CORO7: variants seen among roughly 807,000 people sequenced by gnomAD.
The protein encoded by CORO7 is coronin 7, also known as coronin-7.
CORO7 carries 107 observed loss-of-function variants against 126.6 expected under a neutral mutation model. The observed-to-expected ratio is 0.85, with a 90% CI of 0.72 to 0.99. The LOEUF (loss-of-function observed/expected upper bound fraction) is 0.99. Among genes scored for constraint, CORO7 ranks in the 50% least tolerant of loss-of-function variants. The pLI, the probability that CORO7 is intolerant of heterozygous loss-of-function variation, is 0.00. For synonymous variants in CORO7, 603 were observed against 536.8 expected (o/e 1.12, Z -1.70); for missense variants, 1,314 against 1,255.8 (o/e 1.05, Z -0.70).
intron 9 of CORO7, chr16:4,381,186 C>A (rs780215125): frequency 6.2e-7 from 1 of 1,612,088 alleles, no homozygotes; most frequent in South Asian, 1.1e-5. Context: ...CCAACCTCAG[C>A]AACCTGGACC....
At chr16:4,393,309 A>C (rs759902890) in intron 7 of CORO7, among the ~76,000 whole-genome samples, 4 of 152,148 alleles carry the variant, frequency 2.6e-5, no homozygotes, top group Non-Finnish European at 4.4e-5. Flanking sequence ...GAGGTCAAAG[A>C]AAGCTACCTA....
At chr16:4,381,150 G>A (rs766100822) in intron 9 of CORO7, 2 of 1,610,544 alleles carry the variant, frequency 1.2e-6, no homozygotes, top group Non-Finnish European at 8.5e-7. Context: ...TCGCCAGCCT[G>A]CCCAGCGGGG....
intron 9 of CORO7, chr16:4,382,497 CG>C: frequency 6.3e-7 from 1 of 1,594,680 alleles, no homozygotes; most frequent in Non-Finnish European, 8.5e-7. Flanking sequence ...CTTTGGGGCC[CG>C]GGCGGGTGCC....
At chr16:4,364,143 G>A (rs975777519) in intron 14 of CORO7, 133 bp downstream of exon 14, 90 of 1,231,372 alleles carry the variant, frequency 7.3e-5, no homozygotes, top group Non-Finnish European at 9.2e-5. Context: ...CCGAGGTTGC[G>A]CCACTGCACT....
In CORO7 at chr16:4,364,426, CG is replaced by C; in HGVS notation, c.1138-14del. 1.3e-6 allele frequency: 2 copies of C among 1,494,666 alleles called. No homozygotes were observed. Among genetic ancestry groups the C allele is most frequent in the South Asian group, 1.4e-5 (1 of 73,156 alleles). The allele number at this position is 1,494,666 out of a possible 1,614,324, so 92.6% of individuals were successfully genotyped here. On this transcript the variant is annotated splice_polypyrimidine_tract_variant and intron_variant, in intron 13 of 27. Transcript: ENST00000251166. ...TGACCTTCTGCACCTGCATGGAGGCCGGCAGTGGGGAGATGGGGGCATGGGC... is the reference window on the plus strand; with the variant it reads ...TGACCTTCTGCACCTGCATGGAGGCCGCAGTGGGGAGATGGGGGCATGGGC...
chr16:4,364,264 C>A lies in CORO7; in HGVS notation c.1275+12G>T. On this transcript the variant is annotated intron_variant, in intron 14 of 27. Coordinates refer to ENST00000251166, the MANE Select transcript of CORO7 (RefSeq NM_024535.5). The stretch of plus-strand genomic sequence containing the variant: ...GTCGCTGAGGGAGGATGGGGGCGGC[C>A]CTGGTACTTACGCTTGCGTCTGCAT... 6.5e-7 allele frequency: 1 copy of A among 1,527,192 alleles called. No homozygotes were observed. Among genetic ancestry groups the A allele is most frequent in the African/African-American group, 1.4e-5 (1 of 71,468 alleles). 94.6% of individuals were successfully genotyped at this position (1,527,192 alleles called of 1,614,324 possible).
At chr16:4,359,437 C>A (rs1255245231) in intron 22 of CORO7, 43 bp downstream of exon 22, 3 of 1,613,344 alleles carry the variant, frequency 1.9e-6, no homozygotes, top group Non-Finnish European at 2.5e-6. Context: ...GGCCTTCCCC[C>A]CACCACCTCT....
chr16:4,399,271 T>C (rs1235139633), intron 6 of CORO7, among the ~76,000 whole-genome samples: 2 of 152,168 alleles, frequency 1.3e-5, no homozygotes, highest in Non-Finnish European at 2.9e-5. Context: ...AAACAAAATG[T>C]GGTCTGCGCA....
chr16:4,377,757 C>T (rs777831542), intron 9 of CORO7, among the ~76,000 whole-genome samples: 1 of 152,186 alleles, frequency 6.6e-6, no homozygotes, highest in Non-Finnish European at 1.5e-5. Context: ...AAAGCTCCAG[C>T]GCTGCCTCCT....
intron 3 of CORO7, among the ~76,000 whole-genome samples, chr16:4,411,168 T>TAGCTCGAGGCC (rs1333958613): frequency 6.6e-6 from 1 of 152,168 alleles, no homozygotes; most frequent in Non-Finnish European, 1.5e-5. Context: ...GGCGGGAGGA[T>TAGCTCGAGGCC]AGCTCGAGGC....
intron 25 of CORO7, chr16:4,357,715 CACT>C (rs1353073151): frequency 1.8e-6 from 1 of 557,868 alleles, no homozygotes; most frequent in Non-Finnish European, 3.0e-6. Context: ...AATGGAGCCT[CACT>C]GTATAAGCCC....
chr16:4,357,060 C>T (rs996759821), intron 26 of CORO7, 108 bp downstream of exon 26: 9 of 1,403,408 alleles, frequency 6.4e-6, no homozygotes, highest in African/African-American at 2.8e-5. Flanking sequence ...GGGGACGTGA[C>T]ATGTGGCTGC....
At chr16:4,393,163 G>A (rs1300936502) in intron 7 of CORO7, among the ~76,000 whole-genome samples, 2 of 152,218 alleles carry the variant, frequency 1.3e-5, no homozygotes, top group Non-Finnish European at 2.9e-5. Flanking sequence ...TAGGTCGGGG[G>A]CAGAAGCATA....
intron 9 of CORO7, chr16:4,381,883 G>A (rs1349870236): frequency 6.2e-7 from 1 of 1,604,984 alleles, no homozygotes; most frequent in South Asian, 1.1e-5. Flanking sequence ...CAAGAACGCT[G>A]GCCGGCTGCT....
At chr16:4,359,903 C>G (rs576325612) in intron 21 of CORO7, among the ~76,000 whole-genome samples, 4 of 147,244 alleles carry the variant, frequency 2.7e-5, no homozygotes, top group Admixed American at 6.8e-5. Flanking sequence ...CTATCTCCCC[C>G]CAACCCCTCA....
chr16:4,398,329 TC>T (rs1445923053), intron 6 of CORO7, among the ~76,000 whole-genome samples: 21 of 152,010 alleles, frequency 1.4e-4, no homozygotes, highest in Admixed American at 1.4e-3. Context: ...CAGTAAGATA[TC>T]CCCTGACACC....
chr16:4,387,830 G>T (rs141183407), intron 9 of CORO7, 156 bp downstream of exon 9: 1 of 893,200 alleles, frequency 1.1e-6, no homozygotes, highest in Non-Finnish European at 1.7e-6. Flanking sequence ...GGGGGTACAG[G>T]GCCAGGTGTC....
intron 9 of CORO7, among the ~76,000 whole-genome samples, chr16:4,377,137 A>G (rs1294208950): frequency 6.6e-6 from 1 of 152,096 alleles, no homozygotes; most frequent in Non-Finnish European, 1.5e-5. Context: ...GGGAGGGAGC[A>G]AGGCCGGCAG....
intron 7 of CORO7, among the ~76,000 whole-genome samples, chr16:4,394,693 G>A (rs1272516998): frequency 6.6e-6 from 1 of 152,234 alleles, no homozygotes; most frequent in African/African-American, 2.4e-5. Flanking sequence ...TGTTTACGGA[G>A]CCAGACACAG....
Sources: allele counts gnomAD v4.1 joint callset (sites outside exome capture counted in the v4.1 genomes callset), GRCh38; gene constraint gnomAD v4.1.1; transcripts MANE v1.5; gene names NCBI Gene and HGNC (gene_info 2026-07-23, HGNC 2026-07-21).